GRIN2A: variants seen among roughly 807,000 people sequenced by gnomAD.
The protein encoded by GRIN2A is glutamate ionotropic receptor NMDA type subunit 2A, also known as glutamate receptor ionotropic, NMDA 2A.
GRIN2A carries 22 observed loss-of-function variants against 113.4 expected under a neutral mutation model. The ratio of observed to expected loss-of-function variants is 0.19; its 90% CI spans 0.14 to 0.28. GRIN2A has a LOEUF of 0.28. Among genes scored for constraint, GRIN2A ranks in the 10% least tolerant of loss-of-function variants. GRIN2A has a pLI of 1.00. For missense variants in GRIN2A, 1,502 were observed against 1,887.0 expected (o/e 0.80, Z 3.78); for synonymous variants, 827 against 738.4 (o/e 1.12, Z -1.94).
At chr16:9,946,888 T>C (rs111828670) in intron 2 of GRIN2A, among the ~76,000 whole-genome samples, 2,889 of 152,340 alleles carry the variant, frequency 0.019, 36 homozygotes, top group Non-Finnish European at 0.024. Context: ...CTGATATCCA[T>C]GTTGAACACC....
intron 3 of GRIN2A, among the ~76,000 whole-genome samples, chr16:9,898,923 A>G (rs184070132): frequency 1.3e-5 from 2 of 151,266 alleles, no homozygotes; most frequent in Admixed American, 1.3e-4. Context: ...ATGAATCCTC[A>G]TCCCTCTTTA....
At chr16:9,840,854 A>G (rs2042664076) in intron 6 of GRIN2A, 54 bp from the exon 7 acceptor site, 1 of 1,590,976 alleles carries the variant, frequency 6.3e-7, no homozygotes, top group Non-Finnish European at 8.6e-7. Flanking sequence ...GAACAACAGT[A>G]CTTTACTTTT....
intron 4 of GRIN2A, among the ~76,000 whole-genome samples, chr16:9,856,462 A>C (rs1017910571): frequency 2.6e-5 from 4 of 151,708 alleles, no homozygotes; most frequent in African/African-American, 9.7e-5. Context: ...CTACTAAAAA[A>C]AAAATACAAA....
intron 5 of GRIN2A, among the ~76,000 whole-genome samples, chr16:9,847,548 G>C (rs188376894): frequency 6.7e-4 from 101 of 151,810 alleles, no homozygotes; most frequent in Admixed American, 2.1e-3. Context: ...CTGGGGGACA[G>C]AGCAAGACCC....
intron 2 of GRIN2A, among the ~76,000 whole-genome samples, chr16:10,107,628 G>C (rs1286756464): frequency 6.6e-6 from 1 of 152,168 alleles, no homozygotes; most frequent in Non-Finnish European, 1.5e-5. Context: ...ATTCTGCTGG[G>C]GTTTGCAAGA....
Position 10,168,656 on chromosome 16 carries a change from G to A in GRIN2A, c.414+11342C>T, listed in dbSNP as rs1287691319. ...CGAAGCTTATTCCTCATATCAAGAT[G>A]AAACTTTACTCCTTATAGTTTCACT... On this transcript the variant is annotated intron_variant, in intron 2 of 12. Transcript: ENST00000330684. Among the ~76,000 whole-genome samples the A allele has an allele frequency of 4.6e-5, 7 of 152,132 alleles. No individual in the cohort carries two copies. In the East Asian group the frequency reaches 1.4e-3, roughly 29 times the overall value.
At position 9,754,766 on chromosome 16, in the gene GRIN2A, G is replaced by C. The variant is rs1900289386; in HGVS notation, c.*8383C>G. The C allele has an allele frequency of 4.5e-6, 1 of 220,538 alleles. No individual in the cohort carries two copies. Among genetic ancestry groups the C allele is most frequent in the South Asian group, 1.8e-4 (1 of 5,412 alleles). 13.7% of individuals were successfully genotyped at this position (220,538 alleles called of 1,614,324 possible). On this transcript the variant is annotated 3_prime_UTR_variant, in exon 13 of 13. Transcript: ENST00000330684. The stretch of plus-strand genomic sequence containing the variant: ...GTAGAAACTTCGATTGAATTCAAAA[G>C]GCTATGATTGTTTTTCATGGAAAAA...
intron 2 of GRIN2A, among the ~76,000 whole-genome samples, chr16:10,124,043 G>C (rs2048881267): frequency 6.6e-6 from 1 of 152,138 alleles, no homozygotes; most frequent in African/African-American, 2.4e-5. Context: ...TAGAAAGCCA[G>C]AATAGTCTCC....
intron 2 of GRIN2A, among the ~76,000 whole-genome samples, chr16:10,101,909 C>T (rs1157687522): frequency 6.6e-6 from 1 of 152,164 alleles, no homozygotes; most frequent in Non-Finnish European, 1.5e-5. Flanking sequence ...GTCTCAATTT[C>T]TAGAACATCG....
In GRIN2A at chr16:9,763,672, G is replaced by T; in HGVS notation, c.3872C>A (p.Ser1291Tyr). The change falls in exon 13 of 13, where the codon TCC (serine) becomes TAC (tyrosine). Residue 1291 changes from serine to tyrosine, a missense_variant. Around this residue, in one of 7 missense-constraint regions of GRIN2A, gnomAD observed 832 missense variants for 789.7 expected, o/e 1.05. Transcript: ENST00000330684. Reference sequence around the variant, plus strand: ...AGGTTTGTCGACAATGTTATCGTAGGAATGCTGACGGCTAATCCTTAGCTT... The same window carrying T: ...AGGTTTGTCGACAATGTTATCGTAGTAATGCTGACGGCTAATCCTTAGCTT... The part of the protein sequence containing the change: ...KNKLRISRQH[S>Y]YDNIVDKPRE... 6.2e-7 allele frequency: 1 copy of T among 1,613,760 alleles called. No individual in the cohort carries two copies. Among genetic ancestry groups the T allele is most frequent in the East Asian group, 2.2e-5 (1 of 44,886 alleles).
chr16:9,897,972 C>T (rs538817013), intron 3 of GRIN2A, among the ~76,000 whole-genome samples: 7 of 150,338 alleles, frequency 4.7e-5, no homozygotes, highest in South Asian at 2.1e-4. Context: ...TTCATGACAT[C>T]GAGGAAAGAG....
At chr16:10,010,133 T>C (rs953454176) in intron 2 of GRIN2A, among the ~76,000 whole-genome samples, 6 of 152,240 alleles carry the variant, frequency 3.9e-5, no homozygotes, top group Admixed American at 2.6e-4. Context: ...TAGATGAACA[T>C]CTCAGTTCCT....
At chr16:10,020,671 G>A (rs1440356732) in intron 2 of GRIN2A, among the ~76,000 whole-genome samples, 1 of 152,096 alleles carries the variant, frequency 6.6e-6, no homozygotes, top group Non-Finnish European at 1.5e-5. Context: ...TGCAAAATGA[G>A]GATAAATAAT....
chr16:9,906,983 T>G (rs1233038365), intron 3 of GRIN2A, among the ~76,000 whole-genome samples: 1 of 152,132 alleles, frequency 6.6e-6, no homozygotes, highest in African/African-American at 2.4e-5. Flanking sequence ...GCTAGGTAAT[T>G]TCTGTATTTC....
intron 2 of GRIN2A, among the ~76,000 whole-genome samples, chr16:10,011,591 G>C (rs1313534363): frequency 6.6e-6 from 1 of 152,214 alleles, no homozygotes; most frequent in East Asian, 1.9e-4. Context: ...CTGCCTGTCA[G>C]ATCCTCCTTC....
At chr16:9,865,660 G>A (rs2043149348) in intron 4 of GRIN2A, among the ~76,000 whole-genome samples, 1 of 152,146 alleles carries the variant, frequency 6.6e-6, no homozygotes, top group Non-Finnish European at 1.5e-5. Context: ...CTTAGGGTTA[G>A]ATCACATGCA....
intron 2 of GRIN2A, chr16:10,112,067 T>A: frequency 1.6e-6 from 1 of 612,258 alleles, no homozygotes; most frequent in Non-Finnish European, 3.0e-6. Context: ...TGAAGAAGAA[T>A]CGAGACTACA....
At chr16:9,985,011 C>T (rs1242673403) in intron 2 of GRIN2A, among the ~76,000 whole-genome samples, 5 of 152,280 alleles carry the variant, frequency 3.3e-5, no homozygotes, top group Non-Finnish European at 1.5e-5. Flanking sequence ...GACACACTCA[C>T]ATGTGGACAC....
rs532098972 is a variant in GRIN2A at position 9,827,217 on chromosome 16, C to T, written c.2007+2206G>A. On this transcript the variant is annotated intron_variant, in intron 9 of 12. Coordinates refer to ENST00000330684, the MANE Select transcript of GRIN2A (RefSeq NM_001134407.3). The stretch of plus-strand genomic sequence containing the variant: ...TTAAAAACATTATACGGCTGGCTGG[C>T]GAGTGGCAGAGAGGAAACAGGCAGA... 4.6e-5 allele frequency among the ~76,000 whole-genome samples: 7 copies of T among 152,340 alleles called. No individual in the cohort carries two copies. The South Asian group carries it at 1.5e-3, about 32-fold the overall frequency.
Sources: gnomAD v4.1 joint callset for allele counts (sites outside exome capture counted in the v4.1 genomes callset) on GRCh38, gnomAD v4.1.1 for gene constraint, gnomAD v4.1.1 regional missense constraint, MANE v1.5 for transcripts, NCBI Gene and HGNC (gene_info 2026-07-23, HGNC 2026-07-21) for gene names.